Variants in PTPRT observed in about 807,000 individuals in gnomAD.
PTPRT encodes the protein protein tyrosine phosphatase receptor type T, also known as receptor-type tyrosine-protein phosphatase T.
Under a neutral mutation model 176.8 loss-of-function variants are expected in PTPRT, and 56 were observed. The ratio of observed to expected loss-of-function variants is 0.32; its 90% CI spans 0.26 to 0.40. PTPRT has a LOEUF of 0.40. Ranked by LOEUF, PTPRT falls within the 10% of genes least tolerant of loss-of-function variation. The pLI is 1.00. For synonymous variants in PTPRT, 783 were observed against 739.0 expected, an observed-to-expected ratio of 1.06 and a Z score of -0.96; for missense variants, 1,540 against 1,908.2, an observed-to-expected ratio of 0.81 and a Z score of 3.60.
chr20:42,342,010 C>G (rs998197191), intron 11 of PTPRT, among the ~76,000 whole-genome samples: 3 of 152,164 alleles, frequency 2.0e-5, no homozygotes, highest in Non-Finnish European at 2.9e-5. Flanking sequence ...AAAAGGGGAC[C>G]TGAAATGCAG....
chr20:42,603,524 G>A lies in PTPRT; in HGVS notation c.1153+74342C>T, dbSNP rs529266750. 2.3e-4 allele frequency among the ~76,000 whole-genome samples: 35 copies of A among 152,304 alleles called. 1 individual carries two copies. The South Asian group carries it at 7.2e-3, about 32-fold the overall frequency. ...GAAGGAGATGAGCTTTGAGAGGCTGGTGCGACTAGATCTTGCTGGGCCTTG... is the reference window on the plus strand; with the variant it reads ...GAAGGAGATGAGCTTTGAGAGGCTGATGCGACTAGATCTTGCTGGGCCTTG... On this transcript the variant is annotated intron_variant, in intron 7 of 30. Coordinates refer to ENST00000373187, the MANE Select transcript of PTPRT (RefSeq NM_007050.6).
At chr20:42,148,835 C>G (rs1988998100) in intron 17 of PTPRT, among the ~76,000 whole-genome samples, 1 of 152,188 alleles carries the variant, frequency 6.6e-6, no homozygotes, top group Non-Finnish European at 1.5e-5. Flanking sequence ...TATGAGCGGC[C>G]TGATTCTTTG....
intron 1 of PTPRT, among the ~76,000 whole-genome samples, chr20:43,157,289 G>A (rs1471958899): frequency 6.6e-6 from 1 of 152,106 alleles, no homozygotes; most frequent in Non-Finnish European, 1.5e-5. Context: ...ACTTGAGCCT[G>A]AGAGGTCAAG....
intron 14 of PTPRT, among the ~76,000 whole-genome samples, chr20:42,239,257 A>C (rs1322873313): frequency 2.6e-5 from 4 of 152,142 alleles, no homozygotes; most frequent in African/African-American, 9.7e-5. Context: ...ACATTAACTC[A>C]TGTATTCCTC....
rs551505941 is a variant in PTPRT, at chr20:42,627,989, C to T, written c.1153+49877G>A. 1.9e-4 allele frequency among the ~76,000 whole-genome samples: 29 copies of T among 152,266 alleles called. 2 individuals carry two copies. The South Asian group carries it at 5.0e-3, about 26-fold the overall frequency. ...AGGTTTCATCCATCCGTAATGCCTG[C>T]TGGGACAACTGGGAGAACAGGTCAG... On this transcript the variant is annotated intron_variant, in intron 7 of 30. Transcript: ENST00000373187.
intron 16 of PTPRT, among the ~76,000 whole-genome samples, chr20:42,198,901 A>G (rs1457604044): frequency 6.6e-6 from 1 of 152,168 alleles, no homozygotes; most frequent in African/African-American, 2.4e-5. Flanking sequence ...CACTCAATTC[A>G]GTGTGGCATA....
At chr20:42,327,088 T>C (rs1489497356) in intron 11 of PTPRT, among the ~76,000 whole-genome samples, 1 of 151,238 alleles carries the variant, frequency 6.6e-6, no homozygotes, top group Non-Finnish European at 1.5e-5. Flanking sequence ...GGGGTGTGTG[T>C]GTGTGTGTGT....
chr20:43,145,595 C>A (rs182630813), intron 1 of PTPRT, among the ~76,000 whole-genome samples: 132 of 152,254 alleles, frequency 8.7e-4, no homozygotes, highest in Non-Finnish European at 1.2e-3. Flanking sequence ...GAAGGAAAGC[C>A]CATTTTCAGG....
chr20:42,999,385 G>A (rs1984400457), intron 1 of PTPRT, among the ~76,000 whole-genome samples: 1 of 144,210 alleles, frequency 6.9e-6, no homozygotes, highest in Admixed American at 7.2e-5. Context: ...CAATAAGAAT[G>A]TATTAACTTT....
chr20:42,176,868 A>C (rs1990314272), intron 16 of PTPRT, among the ~76,000 whole-genome samples: 1 of 152,178 alleles, frequency 6.6e-6, no homozygotes, highest in Non-Finnish European at 1.5e-5. Flanking sequence ...TGTTTGAAAG[A>C]GTTTGCCATT....
At chr20:42,306,212 G>T (rs1009305741) in intron 12 of PTPRT, among the ~76,000 whole-genome samples, 2 of 152,210 alleles carry the variant, frequency 1.3e-5, no homozygotes, top group Non-Finnish European at 2.9e-5. Flanking sequence ...AGCTCATCTT[G>T]GTATCTGTAC....
chr20:42,307,657 G>A (rs2057563295), intron 12 of PTPRT, among the ~76,000 whole-genome samples: 1 of 152,102 alleles, frequency 6.6e-6, no homozygotes, highest in South Asian at 2.1e-4. Context: ...ATAACCAAAA[G>A]ATAAGATCAA....
At chr20:42,874,469 A>C (rs563166607) in intron 2 of PTPRT, among the ~76,000 whole-genome samples, 9 of 152,230 alleles carry the variant, frequency 5.9e-5, no homozygotes, top group Non-Finnish European at 1.2e-4. Flanking sequence ...CAACTTTAAT[A>C]AATACAATTT....
chr20:42,152,738 G>A (rs1211322749), intron 17 of PTPRT, among the ~76,000 whole-genome samples: 2 of 152,114 alleles, frequency 1.3e-5, no homozygotes, highest in Non-Finnish European at 2.9e-5. Context: ...ATGAGCTTCC[G>A]GGTGGCTGAC....
chr20:42,097,919 G>C (rs928476869), intron 27 of PTPRT, among the ~76,000 whole-genome samples: 3 of 152,316 alleles, frequency 2.0e-5, no homozygotes, highest in Admixed American at 6.5e-5. Flanking sequence ...GAAGCCTGCC[G>C]GGGAACAAAG....
At chr20:43,023,175 C>T (rs1273212177) in intron 1 of PTPRT, among the ~76,000 whole-genome samples, 1 of 152,174 alleles carries the variant, frequency 6.6e-6, no homozygotes, top group Non-Finnish European at 1.5e-5. Context: ...GTCTGCAGGA[C>T]CAGACCCAGC....
At chr20:42,358,911 T>C (rs2058394235) in intron 9 of PTPRT, among the ~76,000 whole-genome samples, 1 of 152,168 alleles carries the variant, frequency 6.6e-6, no homozygotes, top group Admixed American at 6.5e-5. Flanking sequence ...GCTCAGATTA[T>C]GGAAGCCTTT....
intron 1 of PTPRT, among the ~76,000 whole-genome samples, chr20:42,904,181 C>T (rs1020172040): frequency 5.9e-5 from 9 of 152,190 alleles, no homozygotes; most frequent in African/African-American, 1.9e-4. Context: ...TCCAGCTCTA[C>T]GCACATTTTT....
chr20:42,199,119 T>C (rs1248315863), intron 16 of PTPRT, 121 bp downstream of exon 16: 3 of 1,179,254 alleles, frequency 2.5e-6, no homozygotes, highest in Non-Finnish European at 3.5e-6. Context: ...CCAGTCCATA[T>C]CAGGCAAGCA....
Sources: gnomAD v4.1 joint callset for allele counts (sites outside exome capture counted in the v4.1 genomes callset) on GRCh38, gnomAD v4.1.1 for gene constraint, MANE v1.5 for transcripts, NCBI Gene and HGNC (gene_info 2026-07-23, HGNC 2026-07-21) for gene names.